Variants in LGR6 observed in about 807,000 individuals in gnomAD.
LGR6 encodes leucine-rich repeat-containing G protein-coupled receptor 6.
LGR6 carries 45 observed loss-of-function variants against 69.4 expected under a neutral mutation model. The ratio of observed to expected loss-of-function variants is 0.65; its 90% CI spans 0.51 to 0.83. The LOEUF is 0.83. Among genes scored for constraint, LGR6 ranks in the 40% least tolerant of loss-of-function variants. LGR6 has a pLI of 0.00. For synonymous variants in LGR6, 538 were observed against 555.0 expected (o/e 0.97, Z 0.43); for missense variants, 1,108 against 1,246.7 (o/e 0.89, Z 1.68).
intron 16 of LGR6, among the ~76,000 whole-genome samples, chr1:202,312,918 C>A (rs1319714045): frequency 6.6e-6 from 1 of 151,904 alleles, no homozygotes; most frequent in African/African-American, 2.4e-5. Flanking sequence ...AGAAACACTG[C>A]AAAAGTGAAT....
intron 5 of LGR6, among the ~76,000 whole-genome samples, chr1:202,278,741 G>C (rs542532383): frequency 1.3e-5 from 2 of 152,136 alleles, no homozygotes; most frequent in Non-Finnish European, 2.9e-5. Flanking sequence ...AAAATCAAGG[G>C]TTGTACAGGG....
chr1:202,269,970 C>A (rs1346565215), intron 4 of LGR6, among the ~76,000 whole-genome samples: 1 of 152,132 alleles, frequency 6.6e-6, no homozygotes, highest in African/African-American at 2.4e-5. Flanking sequence ...CCCACTCAGA[C>A]CCCTGAATCT....
At chr1:202,273,442 A>G (rs1257563551) in intron 4 of LGR6, among the ~76,000 whole-genome samples, 12 of 151,534 alleles carry the variant, frequency 7.9e-5, no homozygotes, top group Non-Finnish European at 1.3e-4. Context: ...GGCCTTATCA[A>G]TGTGACCTGT....
intron 1 of LGR6, among the ~76,000 whole-genome samples, chr1:202,224,987 T>G (rs886757843): frequency 6.6e-6 from 1 of 152,260 alleles, no homozygotes; most frequent in Non-Finnish European, 1.5e-5. Context: ...AGCAGTGATC[T>G]CTGGGCCTCA....
At chr1:202,254,194 C>T (rs998161840) in intron 4 of LGR6, among the ~76,000 whole-genome samples, 4 of 152,232 alleles carry the variant, frequency 2.6e-5, no homozygotes, top group Middle Eastern at 3.2e-3. Context: ...GATCCACCTG[C>T]CTCAGCCTCC....
At chr1:202,197,087 C>T (rs200678658) in intron 1 of LGR6, 18 of 533,046 alleles carry the variant, frequency 3.4e-5, no homozygotes, top group African/African-American at 1.7e-4. Context: ...CTATAGGAGG[C>T]GCCCAGGAGC....
chr1:202,265,539 C>T (rs550061737), intron 4 of LGR6, among the ~76,000 whole-genome samples: 55 of 152,200 alleles, frequency 3.6e-4, no homozygotes, highest in Non-Finnish European at 7.5e-4. Flanking sequence ...GGGCAGGAAT[C>T]GGTGAACACC....
At chr1:202,236,530 C>T (rs1445784307) in intron 4 of LGR6, among the ~76,000 whole-genome samples, 2 of 152,194 alleles carry the variant, frequency 1.3e-5, no homozygotes, top group Non-Finnish European at 2.9e-5. Flanking sequence ...CCTTCTTGTC[C>T]AGCAGGGGCA....
chr1:202,205,413 A>AAG (rs1558005069), intron 1 of LGR6, among the ~76,000 whole-genome samples: 3 of 1,032 alleles, frequency 2.9e-3, no homozygotes, highest in Admixed American at 0.013. Context: ...CACACCTCCA[A>AAG]ACACACACAC....
At position 202,319,128 on chromosome 1, in the gene LGR6, G is replaced by T. The variant is rs764173310; in HGVS notation, c.2825G>T (p.Gly942Val). 6.2e-7 allele frequency: 1 copy of T among 1,614,060 alleles called. No homozygotes were observed. Among genetic ancestry groups the T allele is most frequent in the Admixed American group, 1.7e-5 (1 of 59,994 alleles). ...GGAGAACTGCTGCTGAGGGCAGAGG[G>T]ATCTACGCCAGCAGGTGGAGGCTTG... ...MDGELLLRAE[G>V]STPAGGGLSG... Residue 942 changes from glycine (G) to valine (V), a missense_variant, in exon 18 of 18, where the codon GGA (glycine) becomes GTA (valine). Coordinates refer to ENST00000367278, the MANE Select transcript of LGR6 (RefSeq NM_001017403.2).
intron 6 of LGR6, among the ~76,000 whole-genome samples, chr1:202,289,011 G>A (rs1270180109): frequency 6.6e-6 from 1 of 152,218 alleles, no homozygotes; most frequent in Non-Finnish European, 1.5e-5. Flanking sequence ...ATCCTGTTCT[G>A]GGTGCCATAT....
chr1:202,194,777 C>T (rs1194143280), intron 1 of LGR6, among the ~76,000 whole-genome samples: 2 of 151,968 alleles, frequency 1.3e-5, no homozygotes, highest in Admixed American at 6.6e-5. Flanking sequence ...AGGGACTCTG[C>T]CAGCACCATC....
intron 6 of LGR6, among the ~76,000 whole-genome samples, chr1:202,295,098 T>G (rs537721400): frequency 6.6e-6 from 1 of 152,030 alleles, no homozygotes; most frequent in East Asian, 1.9e-4. Flanking sequence ...GTGGCCGAGG[T>G]GGGCAGATCA....
At position 202,318,011 on chromosome 1, in the gene LGR6, G is replaced by A. The variant is rs140628646; in HGVS notation, c.1708G>A (p.Ala570Thr). The A allele has an allele frequency of 5.5e-5, 89 of 1,614,178 alleles. No homozygotes were observed. The African/African-American group carries it at 1.1e-3, about 20-fold the overall frequency. Residue 570 changes from alanine to threonine, a missense_variant, in exon 18 of 18, where the codon GCC (alanine) becomes ACC (threonine). Physicochemically the swap from Ala to Thr is moderately conservative, Grantham distance 58 (BLOSUM62 0). Transcript: ENST00000367278. ...CTGGGGCATCCGCCTGGCCGTGTGG[G>A]CCATCGTGTTGCTCTCCGTGCTCTG... ...ESWGIRLAVWAIVLLSVLCNG... is the reference protein window; with the variant it reads ...ESWGIRLAVWTIVLLSVLCNG...
chr1:202,259,608 G>A (rs143332350), intron 4 of LGR6, among the ~76,000 whole-genome samples: 22 of 152,118 alleles, frequency 1.4e-4, no homozygotes, highest in South Asian at 2.1e-4. Flanking sequence ...TTTGTCTCAC[G>A]TCTATCATGT....
At chr1:202,275,402 C>A (rs1410862892) in intron 4 of LGR6, among the ~76,000 whole-genome samples, 1 of 152,112 alleles carries the variant, frequency 6.6e-6, no homozygotes, top group East Asian at 1.9e-4. Context: ...GGCCTGGGCA[C>A]ATGTGTAAAA....
intron 4 of LGR6, among the ~76,000 whole-genome samples, chr1:202,273,748 G>A (rs1665310566): frequency 6.6e-6 from 1 of 152,090 alleles, no homozygotes; most frequent in Non-Finnish European, 1.5e-5. Context: ...GAGCTACCGT[G>A]CCCGGTCATC....
chr1:202,236,849 A>G (rs1661606911), intron 4 of LGR6, among the ~76,000 whole-genome samples: 1 of 152,126 alleles, frequency 6.6e-6, no homozygotes, highest in Non-Finnish European at 1.5e-5. Flanking sequence ...AAGGCCTCTC[A>G]TATTCTCAGA....
chr1:202,305,532 GTGAGA>G (rs1653092073), intron 11 of LGR6, 147 bp from the exon 12 acceptor site: 1 of 681,352 alleles, frequency 1.5e-6, no homozygotes, highest in Non-Finnish European at 2.7e-6. Context: ...GTGCCCTGGT[GTGAGA>G]TGCCTCAACA....
Sources: allele counts gnomAD v4.1 joint callset (sites outside exome capture counted in the v4.1 genomes callset), GRCh38; gene constraint gnomAD v4.1.1; transcripts MANE v1.5; gene names NCBI Gene and HGNC (gene_info 2026-07-23, HGNC 2026-07-21).